REV3L: variants seen among roughly 807,000 people sequenced by gnomAD.
REV3L encodes REV3 like, DNA directed polymerase zeta catalytic subunit.
In REV3L, 69 loss-of-function variants were observed where a neutral mutation model predicts 299.4. The observed-to-expected ratio is 0.23, with a 90% CI of 0.19 to 0.28. The LOEUF is 0.28. Ranked by LOEUF, REV3L falls within the 10% of genes least tolerant of loss-of-function variation. REV3L has a pLI of 1.00. For missense variants in REV3L, 3,128 were observed against 3,693.8 expected (o/e 0.85, Z 3.97); for synonymous variants, 1,238 against 1,271.4 (o/e 0.97, Z 0.56).
upstream of REV3L, chr6:111,483,549 C>G (rs1794037421): frequency 4.0e-6 from 2 of 494,084 alleles, no homozygotes; most frequent in Non-Finnish European, 3.9e-6. Context: ...TGTTCGGGGC[C>G]GTTTTGGCGG....
intron 17 of REV3L, among the ~76,000 whole-genome samples, chr6:111,358,145 G>T (rs1778286681): frequency 6.6e-6 from 1 of 152,060 alleles, no homozygotes; most frequent in Non-Finnish European, 1.5e-5. Flanking sequence ...GCCTTATATG[G>T]CATTCTATAT....
Position 111,365,300 on chromosome 6 carries a change from C to T in REV3L, c.6718G>A (p.Asp2240Asn). The change falls in exon 15 of 32, where the codon GAC (aspartate) becomes AAC (asparagine). Residue 2240 changes from aspartate (D) to asparagine (N), a missense_variant. By Grantham distance (23) the Asp-to-Asn change is conservative (BLOSUM62 1). Transcript: ENST00000368802. ...KLSNKKGSNT[D>N]TLRRVLLTQA... Reference sequence around the variant, plus strand: ...GTTAACAGTACTCTTCTAAGAGTGTCAGTATTACTTCCTTTCTTATTACTC... The same window carrying T: ...GTTAACAGTACTCTTCTAAGAGTGTTAGTATTACTTCCTTTCTTATTACTC... 1 of 1,572,294 alleles carries T rather than the reference C, an allele frequency of 6.4e-7. No homozygotes were observed.
intron 9 of REV3L, among the ~76,000 whole-genome samples, chr6:111,385,881 A>G (rs1214275562): frequency 6.6e-6 from 1 of 152,206 alleles, no homozygotes; most frequent in Non-Finnish European, 1.5e-5. Context: ...GGAAATGCAG[A>G]TTAAAATGCA....
chr6:111,458,605 G>A (rs1790414247), intron 1 of REV3L, among the ~76,000 whole-genome samples: 1 of 151,980 alleles, frequency 6.6e-6, no homozygotes, highest in Admixed American at 6.6e-5. Context: ...AAAAATCAAT[G>A]TACAAAAATC....
intron 1 of REV3L, among the ~76,000 whole-genome samples, chr6:111,456,079 A>G (rs1004091763): frequency 1.3e-5 from 2 of 152,096 alleles, no homozygotes; most frequent in African/African-American, 4.8e-5. Flanking sequence ...ATTTATACAT[A>G]TTTTTTCTAG....
chr6:111,356,261 T>C (rs1489428356), intron 18 of REV3L, among the ~76,000 whole-genome samples: 3 of 152,170 alleles, frequency 2.0e-5, no homozygotes, highest in Non-Finnish European at 2.9e-5. Flanking sequence ...AACCTAGCAA[T>C]GGGCAGAATC....
chr6:111,404,455 G>A (rs776744571), intron 4 of REV3L, among the ~76,000 whole-genome samples: 2 of 152,204 alleles, frequency 1.3e-5, no homozygotes, highest in South Asian at 2.1e-4. Context: ...CAGCCCATGG[G>A]TCAAAGAGTA....
chr6:111,406,333 A>T (rs1207945651), intron 3 of REV3L, among the ~76,000 whole-genome samples: 1 of 152,234 alleles, frequency 6.6e-6, no homozygotes, highest in Non-Finnish European at 1.5e-5. Context: ...TAAGACTGTG[A>T]CCTAGTGTCA....
intron 10 of REV3L, 94 bp from the exon 11 acceptor site, chr6:111,380,313 G>A (rs773434324): frequency 1.2e-4 from 99 of 858,878 alleles, no homozygotes; most frequent in Middle Eastern, 3.1e-4. Context: ...GAGTTGGAGT[G>A]CAGTGGCGTG....
intron 31 of REV3L, among the ~76,000 whole-genome samples, chr6:111,304,987 G>T (rs1772113534): frequency 6.6e-6 from 1 of 150,812 alleles, no homozygotes; most frequent in Admixed American, 6.6e-5. Context: ...TGTTCCCCAG[G>T]CTGGAGTGCA....
chr6:111,309,839 T>C lies in REV3L; in HGVS notation c.9042+14A>G, dbSNP rs1172351579. 1.9e-6 allele frequency: 3 copies of C among 1,611,424 alleles called. No homozygotes were observed. The highest frequency in any genetic ancestry group is 2.5e-6 in the Non-Finnish European group (3 of 1,178,618). ...CTCCATAGTTAGAGCACATGTACTA[T>C]TTGGTAAGCTTACCCTTGGTAATTC... On this transcript the variant is annotated intron_variant, in intron 30 of 31. Transcript: ENST00000368802.
chr6:111,366,484 T>TG (rs762407988), intron 14 of REV3L, among the ~76,000 whole-genome samples: 84 of 151,730 alleles, frequency 5.5e-4, no homozygotes, highest in Non-Finnish European at 1.0e-3. Context: ...GAAAATCAAG[T>TG]GGGAAAAAAA....
chr6:111,308,885 G>A (rs534585693), intron 30 of REV3L, among the ~76,000 whole-genome samples: 4 of 152,256 alleles, frequency 2.6e-5, no homozygotes, highest in Non-Finnish European at 4.4e-5. Flanking sequence ...AGGAGAGCAT[G>A]GCATCTTTGC....
intron 1 of REV3L, among the ~76,000 whole-genome samples, chr6:111,475,070 AT>A: frequency 6.6e-6 from 1 of 152,266 alleles, no homozygotes; most frequent in Non-Finnish European, 1.5e-5. Context: ...ACATAGGCAT[AT>A]ATAGCATATA....
chr6:111,411,348 C>G lies in REV3L; in HGVS notation c.404+132G>C, dbSNP rs17539316. The G allele has an allele frequency of 2.6e-3, 1,623 of 635,814 alleles. 11 individuals are homozygous for G. The highest frequency in any genetic ancestry group is 0.024 in the African/African-American group (1,267 of 53,788). 39.4% of individuals were successfully genotyped at this position (635,814 alleles called of 1,614,324 possible). ...CAAGCCACTGGTCTCTCTCTATACA[C>G]GTACATGTGTATTTTACGGTCTCTG... On this transcript the variant is annotated intron_variant, in intron 3 of 31. Transcript: ENST00000368802.
chr6:111,331,268 GAT>G (rs1400137381), intron 24 of REV3L, among the ~76,000 whole-genome samples: 1 of 152,074 alleles, frequency 6.6e-6, no homozygotes, highest in Non-Finnish European at 1.5e-5. Flanking sequence ...TTAATTCTAA[GAT>G]AGTCTTAATT....
At chr6:111,318,043 G>A (rs796129951) in intron 26 of REV3L, among the ~76,000 whole-genome samples, 12 of 152,032 alleles carry the variant, frequency 7.9e-5, no homozygotes, top group African/African-American at 2.6e-4. Flanking sequence ...CTCCAATGAA[G>A]AATCATACAC....
intron 4 of REV3L, among the ~76,000 whole-genome samples, chr6:111,393,702 T>G (rs555035027): frequency 1.4e-5 from 2 of 143,682 alleles, no homozygotes; most frequent in East Asian, 3.9e-4. Flanking sequence ...TTTCTTCTTT[T>G]TATTTATTTT....
At chr6:111,334,748 TAAATG>T (rs1201258381) in intron 22 of REV3L, among the ~76,000 whole-genome samples, 2 of 152,150 alleles carry the variant, frequency 1.3e-5, no homozygotes, top group Non-Finnish European at 2.9e-5. Flanking sequence ...TATAAGCAAT[TAAATG>T]AAATAAACAG....
Sources: gnomAD v4.1 joint callset for allele counts (sites outside exome capture counted in the v4.1 genomes callset) on GRCh38, gnomAD v4.1.1 for gene constraint, MANE v1.5 for transcripts, NCBI Gene and HGNC (gene_info 2026-07-23, HGNC 2026-07-21) for gene names.